RNF144B: variants seen among roughly 807,000 people sequenced by gnomAD.
The protein encoded by RNF144B is E3 ubiquitin-protein ligase RNF144B.
Under a neutral mutation model 40.2 loss-of-function variants are expected in RNF144B, and 25 were observed. That is an observed-to-expected ratio of 0.62 (90% CI 0.45 to 0.87). The LOEUF is 0.87. RNF144B is among the 40% of genes least tolerant of loss of function. The pLI, the probability that RNF144B is intolerant of heterozygous loss-of-function variation, is 0.00. For synonymous variants in RNF144B, 145 were observed against 136.3 expected, an observed-to-expected ratio of 1.06 and a Z score of -0.44; for missense variants, 365 against 373.7, an observed-to-expected ratio of 0.98 and a Z score of 0.19.
intron 1 of RNF144B, 21 bp downstream of exon 1, chr6:18,387,651 A>G: frequency 7.7e-7 from 1 of 1,292,688 alleles, no homozygotes; most frequent in Non-Finnish European, 1.0e-6. Flanking sequence ...CGAGCTTTTT[A>G]AAGGCTACAG....
Position 18,459,532 on chromosome 6 carries a change from C to G in RNF144B, c.537-75C>G. On this transcript the variant is annotated intron_variant, in intron 5 of 7. Coordinates refer to ENST00000259939, the MANE Select transcript of RNF144B (RefSeq NM_182757.4). This position sits in a 1 kb window ranked among gnomAD's most constrained non-coding sequence, Gnocchi z 4.2. The stretch of plus-strand genomic sequence containing the variant: ...GCATGGATAACTGTGAGTTCATTAT[C>G]TAACCATCAGGAGCCCTGGGAATTC... 1 of 1,475,474 alleles carries G rather than the reference C, an allele frequency of 6.8e-7. No individual in the cohort carries two copies. Among genetic ancestry groups the G allele is most frequent in the South Asian group, 1.2e-5 (1 of 83,242 alleles). The allele number at this position is 1,475,474 out of a possible 1,614,324, so 91.4% of individuals were successfully genotyped here. A position where few individuals can be genotyped will look rare whatever the true frequency, so the allele number is the denominator to read the frequency against.
Position 18,464,823 on chromosome 6 carries a change from G to T in RNF144B, c.772-104G>T. The T allele has an allele frequency of 9.1e-7, 1 of 1,104,262 alleles. No individual in the cohort carries two copies. 68.4% of individuals were successfully genotyped at this position (1,104,262 alleles called of 1,614,324 possible). ...TAGGGTTTCAACATATGAGCTTCAG[G>T]GGGACACAAACATTTGGCCCACAGC... On this transcript the variant is annotated intron_variant, in intron 7 of 7. Transcript: ENST00000259939. The surrounding 1 kb of genome is among the most constrained non-coding windows in gnomAD (Gnocchi z 6.1).
chr6:18,440,269 C>CTT (rs34668884), intron 4 of RNF144B, among the ~76,000 whole-genome samples: 23,634 of 152,126 alleles, frequency 0.16, 1,931 homozygotes, highest in South Asian at 0.23. Flanking sequence ...CTTGGGGTAA[C>CTT]ATATAGCTTT....
rs909800947 is a variant in RNF144B, at chr6:18,464,017, C to G, written c.771+637C>G. Among the ~76,000 whole-genome samples, 1 of 152,108 alleles carries G rather than the reference C, an allele frequency of 6.6e-6. No homozygotes were observed. Among genetic ancestry groups the G allele is most frequent in the African/African-American group, 2.4e-5 (1 of 41,408 alleles). On this transcript the variant is annotated intron_variant, in intron 7 of 7. Coordinates refer to ENST00000259939, the MANE Select transcript of RNF144B (RefSeq NM_182757.4). This position sits in a 1 kb window ranked among gnomAD's most constrained non-coding sequence, Gnocchi z 6.1. Reference sequence around the variant, plus strand: ...TCTCCACCTGGCCCTGTCCTTGACACGTGGGGATTATTACAATTCAAGATG... The same window carrying G: ...TCTCCACCTGGCCCTGTCCTTGACAGGTGGGGATTATTACAATTCAAGATG...
intron 3 of RNF144B, among the ~76,000 whole-genome samples, chr6:18,429,150 A>T (rs1444532927): frequency 3.9e-5 from 6 of 152,108 alleles, no homozygotes; most frequent in African/African-American, 1.2e-4. Flanking sequence ...GTAAGCCTTG[A>T]TCACATCACT....
Position 18,419,046 on chromosome 6 carries a change from G to A in RNF144B, c.166-8535G>A, listed in dbSNP as rs949762367. Among the ~76,000 whole-genome samples the A allele has an allele frequency of 1.3e-5, 2 of 152,118 alleles. No homozygotes were observed. The highest frequency in any genetic ancestry group is 2.9e-5 in the Non-Finnish European group (2 of 68,024). ...AACTTACAAGGAGGGCAAAACCTCA[G>A]ACCCCACCCAAGATCCACTGAATCA... On this transcript the variant is annotated intron_variant, in intron 2 of 7. Coordinates refer to ENST00000259939, the MANE Select transcript of RNF144B (RefSeq NM_182757.4). The surrounding 1 kb of genome is among the most constrained non-coding windows in gnomAD (Gnocchi z 4.6).
chr6:18,457,175 C>G lies in RNF144B; in HGVS notation c.352C>G (p.Arg118Gly). ...TTTAGAAGTTCATCTGGACCCCTACCGAACATGGTGTCCTGTTGCAGACTG... is the reference window on the plus strand; with the variant it reads ...TTTAGAAGTTCATCTGGACCCCTACGGAACATGGTGTCCTGTTGCAGACTG... Reference protein sequence around the residue: ...FEREVHLDPYRTWCPVADCQT... With the variant: ...FEREVHLDPYGTWCPVADCQT... Residue 118 changes from arginine (R) to glycine (G), a missense_variant, in exon 5 of 8, where the codon CGA becomes GGA. Physicochemically the swap from Arg to Gly is moderately radical, Grantham distance 125 (BLOSUM62 -2). Coordinates refer to ENST00000259939, the MANE Select transcript of RNF144B (RefSeq NM_182757.4). This position sits in a 1 kb window ranked among gnomAD's most constrained non-coding sequence, Gnocchi z 5.1. 6.2e-7 allele frequency: 1 copy of G among 1,613,594 alleles called. No homozygotes were observed. Among genetic ancestry groups the G allele is most frequent in the Non-Finnish European group, 8.5e-7 (1 of 1,179,720 alleles).
At chr6:18,401,853 C>G (rs907438968) in intron 2 of RNF144B, 1 of 91,384 alleles carries the variant, frequency 1.1e-5, no homozygotes, top group African/African-American at 3.2e-5. Context: ...AACCACCCCC[C>G]TGCCCCAGGG....
intron 4 of RNF144B, among the ~76,000 whole-genome samples, chr6:18,449,697 G>GTATATATATATATATATATATA (rs70974745): frequency 6.7e-6 from 1 of 149,284 alleles, no homozygotes; most frequent in Admixed American, 6.7e-5. Context: ...GTGTTTTGAA[G>GTATATATATATATATATATATA]TATATATATA....
intron 4 of RNF144B, among the ~76,000 whole-genome samples, chr6:18,452,941 T>C (rs1258037301): frequency 1.3e-5 from 2 of 151,670 alleles, no homozygotes; most frequent in Admixed American, 6.6e-5. Context: ...TGCACCACCA[T>C]GGCTGGCTAC....
chr6:18,390,557 C>T (rs546162919), intron 1 of RNF144B, among the ~76,000 whole-genome samples: 1 of 152,212 alleles, frequency 6.6e-6, no homozygotes, highest in African/African-American at 2.4e-5. Context: ...GGAGATACTT[C>T]TGATCACATG....
rs772326659 is a variant in RNF144B, at chr6:18,450,455, G to C, written c.332-6700G>C. Among the ~76,000 whole-genome samples, 1 of 152,032 alleles carries C rather than the reference G, an allele frequency of 6.6e-6. No individual in the cohort carries two copies. The highest frequency in any genetic ancestry group is 2.4e-5 in the African/African-American group (1 of 41,392). Reference sequence around the variant, plus strand: ...TGGGATTACACGTGTGTGCCACCAGGCCTGGCTAATTTTGTATTTTTTAGT... The same window carrying C: ...TGGGATTACACGTGTGTGCCACCAGCCCTGGCTAATTTTGTATTTTTTAGT... On this transcript the variant is annotated intron_variant, in intron 4 of 7. Coordinates refer to ENST00000259939, the MANE Select transcript of RNF144B (RefSeq NM_182757.4). The surrounding 1 kb of genome is among the most constrained non-coding windows in gnomAD (Gnocchi z 4.7).
At chr6:18,413,801 T>C (rs73375999) in intron 2 of RNF144B, among the ~76,000 whole-genome samples, 144 of 152,306 alleles carry the variant, frequency 9.5e-4, no homozygotes, top group African/African-American at 3.3e-3. Flanking sequence ...TTTCTGCAAA[T>C]GGAAAAAAAT....
intron 3 of RNF144B, among the ~76,000 whole-genome samples, chr6:18,435,914 C>T (rs1758809509): frequency 6.6e-6 from 1 of 151,668 alleles, no homozygotes; most frequent in Non-Finnish European, 1.5e-5. Context: ...GGAGATATAC[C>T]TAATGCTAAA....
intron 4 of RNF144B, among the ~76,000 whole-genome samples, chr6:18,452,833 G>A (rs1759238699): frequency 1.3e-5 from 2 of 152,046 alleles, no homozygotes; most frequent in African/African-American, 4.8e-5. Flanking sequence ...TACCTAGGCT[G>A]GAGTGCAGTG....
chr6:18,387,415 GCGGT>G lies in RNF144B; in HGVS notation c.-248_-245del. 1 of 1,176,652 alleles carries G rather than the reference GCGGT, an allele frequency of 8.5e-7. No homozygotes were observed. Among genetic ancestry groups the G allele is most frequent in the Non-Finnish European group, 1.1e-6 (1 of 930,326 alleles). The allele number at this position is 1,176,652 out of a possible 1,614,324, so 72.9% of individuals were successfully genotyped here. A position where few individuals can be genotyped will look rare whatever the true frequency, so the allele number is the denominator to read the frequency against. On this transcript the variant is annotated 5_prime_UTR_variant, in exon 1 of 8. Transcript: ENST00000259939. Reference sequence around the variant, plus strand: ...CGCAGCTGCCAGTCAAGGCTAGGAGGCGGTCGGGGACTCCGCCTCCTCCCGACCC... The same window carrying G: ...CGCAGCTGCCAGTCAAGGCTAGGAGGCGGGGACTCCGCCTCCTCCCGACCC...
Position 18,466,632 on chromosome 6 carries a change from G to A in RNF144B, c.*1565G>A, listed in dbSNP as rs115952877. 457 of 152,730 alleles carry A rather than the reference G, an allele frequency of 3.0e-3. 4 individuals carry two copies. Among genetic ancestry groups the A allele is most frequent in the Non-Finnish European group, 5.2e-3 (351 of 68,034 alleles). The allele number at this position is 152,730 out of a possible 1,614,324, so 9.5% of individuals were successfully genotyped here. On this transcript the variant is annotated 3_prime_UTR_variant, in exon 8 of 8. Coordinates refer to ENST00000259939, the MANE Select transcript of RNF144B (RefSeq NM_182757.4). ...TGCTAAATGTTACTGGAGAGTTCTT[G>A]AAGCCAGGGATACCATATCAGGAAC... is the stretch of plus-strand genomic sequence containing the variant.
chr6:18,403,403 TG>T (rs1193214743), intron 2 of RNF144B, among the ~76,000 whole-genome samples: 10 of 152,246 alleles, frequency 6.6e-5, no homozygotes, highest in African/African-American at 2.4e-4. Context: ...GTCGGTATGT[TG>T]GGCATGGCCT....
rs2113492102 is a variant in RNF144B, at chr6:18,422,547, A to C, written c.166-5034A>C. Among the ~76,000 whole-genome samples, 1 of 152,010 alleles carries C rather than the reference A, an allele frequency of 6.6e-6. No individual in the cohort carries two copies. The highest frequency in any genetic ancestry group is 1.9e-4 in the East Asian group (1 of 5,172). On this transcript the variant is annotated intron_variant, in intron 2 of 7. Transcript: ENST00000259939. This position sits in a 1 kb window ranked among gnomAD's most constrained non-coding sequence, Gnocchi z 4.7. ...ACTTGGCTGAGCTATGGATGAGAAA[A>C]CCTAGGTCAATAGTTCACCAACTCA...
Sources: gnomAD v4.1 joint callset for allele counts (sites outside exome capture counted in the v4.1 genomes callset) on GRCh38, gnomAD v4.1.1 for gene constraint, Gnocchi (gnomAD v3.1) non-coding constraint, MANE v1.5 for transcripts, NCBI Gene and HGNC (gene_info 2026-07-23, HGNC 2026-07-21) for gene names.